The following FRMD4B variants were observed in gnomAD, a reference collection of about 807,000 sequenced individuals.
FRMD4B encodes the protein FERM domain-containing protein 4B.
Under a neutral mutation model 141.5 loss-of-function variants are expected in FRMD4B, and 74 were observed. The ratio of observed to expected loss-of-function variants is 0.52; its 90% CI spans 0.43 to 0.63. The LOEUF (loss-of-function observed/expected upper bound fraction) is 0.63. Among genes scored for constraint, FRMD4B ranks in the 30% least tolerant of loss-of-function variants. The pLI, the probability that FRMD4B is intolerant of heterozygous loss-of-function variation, is 0.00. For synonymous variants in FRMD4B, 506 were observed against 467.9 expected (o/e 1.08, Z -1.05); for missense variants, 1,366 against 1,253.4 (o/e 1.09, Z -1.36).
At chr3:69,449,172 G>T (rs1409823206) in intron 1 of FRMD4B, among the ~76,000 whole-genome samples, 1 of 152,092 alleles carries the variant, frequency 6.6e-6, no homozygotes, top group Admixed American at 6.6e-5. Flanking sequence ...AACTTAATAA[G>T]ATACCATGTA....
chr3:69,315,864 A>C (rs1701790341), intron 1 of FRMD4B, among the ~76,000 whole-genome samples: 1 of 152,268 alleles, frequency 6.6e-6, no homozygotes. Context: ...GTACAAAACT[A>C]TAAGTTTTAG....
intron 5 of FRMD4B, among the ~76,000 whole-genome samples, chr3:69,281,941 A>T (rs1314876118): frequency 6.6e-6 from 1 of 151,960 alleles, no homozygotes; most frequent in Non-Finnish European, 1.5e-5. Context: ...ACGAGGCACA[A>T]TTGTTTCTTT....
intron 1 of FRMD4B, among the ~76,000 whole-genome samples, chr3:69,338,202 C>T (rs1702618099): frequency 6.6e-6 from 1 of 152,044 alleles, no homozygotes; most frequent in African/African-American, 2.4e-5. Context: ...CAAACTATCG[C>T]AAGGACAAAA....
intron 1 of FRMD4B, among the ~76,000 whole-genome samples, chr3:69,339,317 G>A (rs1011038811): frequency 2.0e-5 from 3 of 152,308 alleles, no homozygotes; most frequent in African/African-American, 7.2e-5. Flanking sequence ...CGACACAGTG[G>A]AGAGTCAAGC....
chr3:69,498,989 G>C (rs1431575793), intron 1 of FRMD4B, among the ~76,000 whole-genome samples: 3 of 152,174 alleles, frequency 2.0e-5, no homozygotes, highest in Non-Finnish European at 4.4e-5. Context: ...AAACAGGACA[G>C]TGTGATATAA....
At chr3:69,340,268 C>T (rs1391872448) in intron 1 of FRMD4B, among the ~76,000 whole-genome samples, 1 of 152,000 alleles carries the variant, frequency 6.6e-6, no homozygotes, top group Non-Finnish European at 1.5e-5. Context: ...CACACAGGTG[C>T]TAAGCATAGT....
Position 69,310,581 on chromosome 3 carries a change from CAGAGAGAGAGAGAGAG to C in FRMD4B, c.323+666_323+681del, listed in dbSNP as rs56741050. ...ACACACACACACACACACACACACA[CAGAGAGAGAGAGAGAG>C]AGAGAGAGAGAGAGAAAAGAGCTAG... On this transcript the variant is annotated intron_variant, in intron 3 of 22. Transcript: ENST00000398540. 2.4e-3 allele frequency: 403 copies of C among 167,678 alleles called. 4 individuals are homozygous for C. Among genetic ancestry groups the C allele is most frequent in the African/African-American group, 9.8e-3 (366 of 37,318 alleles). 10.4% of individuals were successfully genotyped at this position (167,678 alleles called of 1,614,324 possible).
chr3:69,354,637 C>T (rs1703260166), intron 1 of FRMD4B, among the ~76,000 whole-genome samples: 1 of 152,132 alleles, frequency 6.6e-6, no homozygotes, highest in Admixed American at 6.5e-5. Context: ...AGAGATAGTT[C>T]ATGCAAAGCT....
At chr3:69,507,007 T>C (rs966524404) in intron 1 of FRMD4B, among the ~76,000 whole-genome samples, 2 of 152,184 alleles carry the variant, frequency 1.3e-5, no homozygotes, top group Admixed American at 6.5e-5. Flanking sequence ...TTTGTTAAAT[T>C]AAATTGTACA....
intron 13 of FRMD4B, 72 bp downstream of exon 13, chr3:69,196,828 T>G: frequency 5.2e-6 from 6 of 1,149,652 alleles, no homozygotes; most frequent in African/African-American, 1.6e-5. Flanking sequence ...GCATCTTTTG[T>G]GAGAAGGCTT....
intron 2 of FRMD4B, among the ~76,000 whole-genome samples, chr3:69,416,958 G>A (rs147089354): frequency 0.012 from 1,804 of 152,200 alleles, 43 homozygotes; most frequent in African/African-American, 0.041. Context: ...TCAGTGATGG[G>A]CATTTGGGTT....
intron 2 of FRMD4B, among the ~76,000 whole-genome samples, chr3:69,311,670 C>T (rs976830070): frequency 1.3e-5 from 2 of 152,078 alleles, no homozygotes; most frequent in South Asian, 2.1e-4. Flanking sequence ...TTATATGTAA[C>T]GTGGTGCTAA....
intron 5 of FRMD4B, among the ~76,000 whole-genome samples, chr3:69,275,724 C>A (rs947223949): frequency 6.6e-6 from 1 of 151,942 alleles, no homozygotes; most frequent in African/African-American, 2.4e-5. Context: ...ATCTACCATG[C>A]CCAGCCATTT....
chr3:69,528,279 T>A (rs1392676758), intron 1 of FRMD4B, among the ~76,000 whole-genome samples: 1 of 144,752 alleles, frequency 6.9e-6, no homozygotes, highest in Non-Finnish European at 1.5e-5. Flanking sequence ...CCTACCTTCC[T>A]TCCTTCCTTT....
chr3:69,360,279 G>C (rs913072187), intron 1 of FRMD4B, among the ~76,000 whole-genome samples: 3 of 152,028 alleles, frequency 2.0e-5, no homozygotes, highest in African/African-American at 7.2e-5. Context: ...CCTACTTTCT[G>C]TCCTCCTATA....
At chr3:69,207,017 C>A (rs572687511) in intron 11 of FRMD4B, among the ~76,000 whole-genome samples, 4 of 152,232 alleles carry the variant, frequency 2.6e-5, no homozygotes, top group African/African-American at 9.6e-5. Context: ...AATAAAGAAA[C>A]TTTGGACAAG....
chr3:69,192,368 C>T (rs533830406), intron 17 of FRMD4B, among the ~76,000 whole-genome samples: 82 of 152,128 alleles, frequency 5.4e-4, no homozygotes, highest in South Asian at 4.4e-3. Context: ...AGAAAGAGAT[C>T]CTGTCTCAAA....
At chr3:69,223,281 C>T (rs768095356) in intron 8 of FRMD4B, among the ~76,000 whole-genome samples, 7 of 151,944 alleles carry the variant, frequency 4.6e-5, no homozygotes, top group South Asian at 4.2e-4. Flanking sequence ...TTTGGGAGGC[C>T]GAGGCAGGCG....
At chr3:69,227,662 C>CA (rs200502285) in intron 7 of FRMD4B, among the ~76,000 whole-genome samples, 3,794 of 88,340 alleles carry the variant, frequency 0.043, 106 homozygotes, top group Admixed American at 0.11. Context: ...GACTTTGTCT[C>CA]AAAAAAAAAA....
Sources: gnomAD v4.1 joint callset for allele counts (sites outside exome capture counted in the v4.1 genomes callset) on GRCh38, gnomAD v4.1.1 for gene constraint, MANE v1.5 for transcripts, NCBI Gene and HGNC (gene_info 2026-07-23, HGNC 2026-07-21) for gene names.